The following SECISBP2L variants were observed in gnomAD, a reference collection of about 807,000 sequenced individuals.
The protein encoded by SECISBP2L is selenocysteine insertion sequence-binding protein 2-like.
SECISBP2L carries 43 observed loss-of-function variants against 114.7 expected under a neutral mutation model. That is an observed-to-expected ratio of 0.38 (90% CI 0.29 to 0.48). The LOEUF is 0.48. Among genes scored for constraint, SECISBP2L ranks in the 20% least tolerant of loss-of-function variants. The probability of loss-of-function intolerance (pLI) is 0.98; values close to 1 mark genes in which losing one functional copy is unlikely to be tolerated. For missense variants in SECISBP2L, 1,136 were observed against 1,301.1 expected (o/e 0.87, Z 1.95); for synonymous variants, 451 against 439.7 (o/e 1.03, Z -0.32).
chr15:49,032,100 A>G (rs1902901248), intron 4 of SECISBP2L, among the ~76,000 whole-genome samples: 1 of 152,236 alleles, frequency 6.6e-6, no homozygotes, highest in Non-Finnish European at 1.5e-5. Context: ...AAAAAGATAC[A>G]TAGATCTCCA....
intron 3 of SECISBP2L, among the ~76,000 whole-genome samples, chr15:49,033,580 A>G (rs1315204751): frequency 6.6e-6 from 1 of 152,140 alleles, no homozygotes; most frequent in Non-Finnish European, 1.5e-5. Context: ...GTTCACACCT[A>G]TAATCCCAAA....
intron 14 of SECISBP2L, among the ~76,000 whole-genome samples, chr15:49,004,804 T>C (rs552929993): frequency 1.9e-4 from 29 of 152,370 alleles, no homozygotes; most frequent in Non-Finnish European, 3.1e-4. Flanking sequence ...GACTGTTTGT[T>C]ACAATTTCCA....
In SECISBP2L at chr15:48,992,235, T is replaced by C; in HGVS notation, c.*9A>G. ...CACAGCTGGAGATAGAGAGCCGACATTTCCTGAGTTACGTAGTTTGCGTTG... is the reference window on the plus strand; with the variant it reads ...CACAGCTGGAGATAGAGAGCCGACACTTCCTGAGTTACGTAGTTTGCGTTG... On this transcript the variant is annotated 3_prime_UTR_variant, in exon 18 of 18. Transcript: ENST00000559471. The C allele has an allele frequency of 1.9e-6, 3 of 1,583,398 alleles. No individual in the cohort carries two copies. Among genetic ancestry groups the C allele is most frequent in the Non-Finnish European group, 2.6e-6 (3 of 1,164,036 alleles).
At chr15:49,032,408 G>A (rs1412567233) in intron 4 of SECISBP2L, among the ~76,000 whole-genome samples, 1 of 152,138 alleles carries the variant, frequency 6.6e-6, no homozygotes, top group Non-Finnish European at 1.5e-5. Flanking sequence ...TCTATTACCA[G>A]GTGAAAGCTT....
Position 48,992,661 on chromosome 15 carries a change from A to T in SECISBP2L, c.2889T>A (p.Ser963=), listed in dbSNP as rs1301768345. 2 of 1,614,062 alleles carry T rather than the reference A, an allele frequency of 1.2e-6. No homozygotes were observed. The highest frequency in any genetic ancestry group is 8.5e-7 in the Non-Finnish European group (1 of 1,180,050). Reference sequence around the variant, plus strand: ...AAAGATCTCGGCAACTGCCATCCAAAGAGCCAGTCTCTGTACTCTGCTGTG... The same window carrying T: ...AAAGATCTCGGCAACTGCCATCCAATGAGCCAGTCTCTGTACTCTGCTGTG... The part of the protein sequence containing the change: ...WASQQSTETG[S]LDGSCRDLLN... The change falls in exon 18 of 18, where the codon TCT becomes TCA. Residue 963 remains serine (S), a synonymous_variant. Coordinates refer to ENST00000559471, the MANE Select transcript of SECISBP2L (RefSeq NM_001193489.2).
intron 14 of SECISBP2L, among the ~76,000 whole-genome samples, chr15:49,006,755 G>A (rs1268125690): frequency 6.6e-6 from 1 of 152,020 alleles, no homozygotes; most frequent in African/African-American, 2.4e-5. Flanking sequence ...CTTTAGCTCG[G>A]AGGAGTTTGT....
intron 14 of SECISBP2L, 122 bp downstream of exon 14, chr15:49,009,094 G>A: frequency 9.8e-7 from 1 of 1,020,408 alleles, no homozygotes; most frequent in Non-Finnish European, 1.4e-6. Context: ...AAATCCGAAA[G>A]GAGTTAAAGA....
In SECISBP2L at chr15:49,012,030, G is replaced by A. The variant is rs142551780; in HGVS notation, c.1732-167C>T. Among the ~76,000 whole-genome samples the A allele has an allele frequency of 2.0e-5, 3 of 152,132 alleles. No homozygotes were observed. In the East Asian group the frequency reaches 5.8e-4, roughly 29 times the overall value. ...GTAATTTCAGACACTGTAAGTTGAA[G>A]GAAGTACTGCATACAAAATAAAGAA... On this transcript the variant is annotated intron_variant, in intron 12 of 17. Transcript: ENST00000559471.
At chr15:49,044,292 C>T (rs1234201115) in intron 1 of SECISBP2L, among the ~76,000 whole-genome samples, 1 of 152,114 alleles carries the variant, frequency 6.6e-6, no homozygotes, top group Admixed American at 6.5e-5. Context: ...CTGGAAAAGC[C>T]ATTACATGAC....
chr15:49,036,300 C>T (rs1252975797), intron 2 of SECISBP2L, among the ~76,000 whole-genome samples: 3 of 152,190 alleles, frequency 2.0e-5, no homozygotes, highest in Admixed American at 6.5e-5. Context: ...TCATATAAAA[C>T]ACTAGCAAAA....
At chr15:49,003,985 T>C (rs1388705215) in intron 14 of SECISBP2L, among the ~76,000 whole-genome samples, 1 of 152,222 alleles carries the variant, frequency 6.6e-6, no homozygotes, top group Non-Finnish European at 1.5e-5. Flanking sequence ...CCTCTTTTTC[T>C]ATTGTTTGGA....
At position 49,046,335 on chromosome 15, in the gene SECISBP2L, T is replaced by C. The variant is rs759645936; in HGVS notation, c.-36A>G. ...GCCGCAACGGGCCCGCGCTAGTCGG[T>C]GTAAACAGCGCCTCGGGCCGCTTTC... On this transcript the variant is annotated 5_prime_UTR_variant, in exon 1 of 18. Transcript: ENST00000559471. 1 of 1,504,682 alleles carries C rather than the reference T, an allele frequency of 6.6e-7. No homozygotes were observed. Among genetic ancestry groups the C allele is most frequent in the South Asian group, 1.2e-5 (1 of 80,042 alleles). 93.2% of individuals were successfully genotyped at this position (1,504,682 alleles called of 1,614,324 possible). A position where few individuals can be genotyped will look rare whatever the true frequency, so the allele number is the denominator to read the frequency against.
intron 1 of SECISBP2L, among the ~76,000 whole-genome samples, chr15:49,044,715 A>G (rs1159156711): frequency 1.3e-5 from 2 of 152,204 alleles, no homozygotes; most frequent in Admixed American, 1.3e-4. Flanking sequence ...AGATGTGGAA[A>G]GGGGAAAAGG....
At chr15:49,000,075 A>G in intron 15 of SECISBP2L, 88 bp from the exon 16 acceptor site, 1 of 1,394,076 alleles carries the variant, frequency 7.2e-7, no homozygotes, top group Non-Finnish European at 9.9e-7. Context: ...AAAACATCGC[A>G]GCAAAGAATT....
Position 49,037,581 on chromosome 15 carries a change from A to G in SECISBP2L, c.203+10T>C, listed in dbSNP as rs1300682049. On this transcript the variant is annotated intron_variant, in intron 2 of 17. Coordinates refer to ENST00000559471, the MANE Select transcript of SECISBP2L (RefSeq NM_001193489.2). ...CCCCACAAAAAAGAAAATAAAAATA[A>G]ACAAATTACCTATTGGACTGGTTTT... The G allele has an allele frequency of 1.2e-6, 2 of 1,608,632 alleles. No homozygotes were observed. Among genetic ancestry groups the G allele is most frequent in the Admixed American group, 1.7e-5 (1 of 58,838 alleles).
intron 1 of SECISBP2L, among the ~76,000 whole-genome samples, chr15:49,041,557 G>T (rs951801356): frequency 6.6e-6 from 1 of 152,302 alleles, no homozygotes; most frequent in Middle Eastern, 3.4e-3. Flanking sequence ...TTACCACAAA[G>T]CACACGTCGG....
At position 49,046,407 on chromosome 15, in the gene SECISBP2L, C is replaced by G; in HGVS notation, c.-108G>C. On this transcript the variant is annotated 5_prime_UTR_variant, in exon 1 of 18. Coordinates refer to ENST00000559471, the MANE Select transcript of SECISBP2L (RefSeq NM_001193489.2). ...CCAGACTGGGTTCCGGACCTCCGCC[C>G]CTATCTGGCTGGCCGCGACACCGAT... 2 of 1,235,750 alleles carry G rather than the reference C, an allele frequency of 1.6e-6. No homozygotes were observed. The highest frequency in any genetic ancestry group is 1.1e-6 in the Non-Finnish European group (1 of 938,028). 76.5% of individuals were successfully genotyped at this position (1,235,750 alleles called of 1,614,324 possible).
chr15:48,990,354 C>G lies in SECISBP2L; in HGVS notation c.*1890G>C, dbSNP rs551693403. 1.3e-5 allele frequency: 2 copies of G among 152,428 alleles called. No homozygotes were observed. Among genetic ancestry groups the G allele is most frequent in the Non-Finnish European group, 2.9e-5 (2 of 68,026 alleles). 9.4% of individuals were successfully genotyped at this position (152,428 alleles called of 1,614,324 possible). A position where few individuals can be genotyped will look rare whatever the true frequency, so the allele number is the denominator to read the frequency against. On this transcript the variant is annotated 3_prime_UTR_variant, in exon 18 of 18. Coordinates refer to ENST00000559471, the MANE Select transcript of SECISBP2L (RefSeq NM_001193489.2). The stretch of plus-strand genomic sequence containing the variant: ...AACCTCTATCATTTCTTTAAACCAA[C>G]GAACACTTCCAAATGTGTAGAGACA...
At chr15:48,994,574 C>A (rs568653504) in intron 17 of SECISBP2L, among the ~76,000 whole-genome samples, 2 of 152,272 alleles carry the variant, frequency 1.3e-5, no homozygotes, top group African/African-American at 4.8e-5. Flanking sequence ...AAAGTTGGAA[C>A]ATCAGCTGTA....
Sources: gnomAD v4.1 joint callset for allele counts (sites outside exome capture counted in the v4.1 genomes callset) on GRCh38, gnomAD v4.1.1 for gene constraint, MANE v1.5 for transcripts, NCBI Gene and HGNC (gene_info 2026-07-23, HGNC 2026-07-21) for gene names.